The following TENM1 variants were observed in gnomAD, a reference collection of about 807,000 sequenced individuals.
TENM1 encodes teneurin-1.
TENM1 carries 35 observed loss-of-function variants against 174.8 expected under a neutral mutation model. The ratio of observed to expected loss-of-function variants is 0.20; its 90% CI spans 0.15 to 0.27. The LOEUF is 0.27. Ranked by LOEUF, TENM1 falls within the 10% of genes least tolerant of loss-of-function variation. TENM1 has a pLI of 1.00. For missense variants in TENM1, 1,633 were observed against 2,130.1 expected (o/e 0.77, Z 4.59); for synonymous variants, 781 against 798.7 (o/e 0.98, Z 0.37).
At position 124,671,735 on chromosome X, in the gene TENM1, G is replaced by A. The variant is rs778124127; in HGVS notation, c.1116C>T (p.Asp372=). The A allele has an allele frequency of 3.3e-5, 40 of 1,207,931 alleles. 1 individual carries two copies. Among genetic ancestry groups the A allele is most frequent in the Non-Finnish European group, 1.3e-5 (12 of 893,799 alleles). The change falls in exon 6 of 32, where the codon GAC becomes GAT. Residue 372 remains aspartate, a synonymous_variant. Coordinates refer to ENST00000422452, the Ensembl canonical transcript of TENM1. Reference sequence around the variant, plus strand: ...TTCCTCCAATTGGAGAGTAAGTAGTGTCCATGGACTCGGTCCCCCTGTTCC... The same window carrying A: ...TTCCTCCAATTGGAGAGTAAGTAGTATCCATGGACTCGGTCCCCCTGTTCC...
chrX:124,854,596 A>G (rs1450108200), intron 3 of TENM1, among the ~76,000 whole-genome samples: 2 of 112,185 alleles, frequency 1.8e-5, no homozygotes, highest in African/African-American at 6.5e-5. Context: ...AAGGATGAGT[A>G]TAAGTCTAGC....
intron 27 of TENM1, among the ~76,000 whole-genome samples, chrX:124,398,345 T>C (rs1203810165): frequency 9.0e-6 from 1 of 111,081 alleles, no homozygotes; most frequent in Non-Finnish European, 1.9e-5. Flanking sequence ...TCCACAGATT[T>C]TTTTTTTTAT....
the TENM1 span, among the ~76,000 whole-genome samples, chrX:124,972,994 G>T: frequency 1.8e-5 from 2 of 112,007 alleles, no homozygotes; most frequent in Non-Finnish European, 3.8e-5. Context: ...CAGGTCAAGG[G>T]GACACAACTA....
the TENM1 span, among the ~76,000 whole-genome samples, chrX:125,055,049 A>G: frequency 2.7e-5 from 3 of 111,986 alleles, no homozygotes; most frequent in Non-Finnish European, 5.6e-5. Context: ...TCTAAATTGT[A>G]AAAGTCTTAT....
chrX:124,947,355 T>A (rs772591724), intron 1 of TENM1, among the ~76,000 whole-genome samples: 10 of 112,133 alleles, frequency 8.9e-5, no homozygotes, highest in Admixed American at 6.6e-4. Context: ...ATTTTATGAA[T>A]GCCTTTCTAC....
chrX:125,062,176 A>G, the TENM1 span, among the ~76,000 whole-genome samples: 1 of 112,169 alleles, frequency 8.9e-6, no homozygotes, highest in South Asian at 3.7e-4. Flanking sequence ...ATGAAAAAAA[A>G]TCACTTAGAA....
At chrX:125,145,837 T>C in the TENM1 span, among the ~76,000 whole-genome samples, 1 of 111,980 alleles carries the variant, frequency 8.9e-6, no homozygotes, top group Non-Finnish European at 1.9e-5. Flanking sequence ...TTTAAAACTT[T>C]CTTAATCATA....
the TENM1 span, among the ~76,000 whole-genome samples, chrX:125,028,223 A>T: frequency 8.9e-6 from 1 of 112,222 alleles, no homozygotes; most frequent in East Asian, 2.8e-4. Flanking sequence ...ATAATGGAAG[A>T]TTTGTATTTT....
chrX:124,416,785 C>T (rs2060598688), intron 25 of TENM1, among the ~76,000 whole-genome samples: 4 of 111,690 alleles, frequency 3.6e-5, no homozygotes, highest in African/African-American at 9.8e-5. Flanking sequence ...ACTGAACTGC[C>T]GATGTGATAG....
At chrX:125,057,221 G>C in the TENM1 span, among the ~76,000 whole-genome samples, 1 of 111,488 alleles carries the variant, frequency 9.0e-6, no homozygotes, top group Non-Finnish European at 1.9e-5. Flanking sequence ...CACTCACATA[G>C]AATTTCAAGA....
chrX:125,141,008 A>G, the TENM1 span, among the ~76,000 whole-genome samples: 1 of 111,874 alleles, frequency 8.9e-6, no homozygotes, highest in Non-Finnish European at 1.9e-5. Flanking sequence ...AAAGTCCAGT[A>G]TTGACGAAAG....
intron 3 of TENM1, among the ~76,000 whole-genome samples, chrX:124,883,432 C>T: frequency 8.9e-6 from 1 of 112,534 alleles, no homozygotes; most frequent in East Asian, 2.8e-4. Flanking sequence ...TGGGCCCCTC[C>T]TTGAGCTGCA....
At chrX:124,890,810 C>T (rs1603263956) in intron 3 of TENM1, among the ~76,000 whole-genome samples, 1 of 111,293 alleles carries the variant, frequency 9.0e-6, no homozygotes, top group Non-Finnish European at 1.9e-5. Context: ...ACCATATGCT[C>T]TAGCAATCCC....
At chrX:124,530,130 G>T in intron 15 of TENM1, 147 bp from the exon 19 acceptor site, 1 of 598,734 alleles carries the variant, frequency 1.7e-6, no homozygotes, top group East Asian at 3.9e-5. Flanking sequence ...AACATTCTGG[G>T]GAGGAGTTTT....
chrX:124,675,119 G>A (rs1193570306), intron 5 of TENM1, among the ~76,000 whole-genome samples: 3 of 111,788 alleles, frequency 2.7e-5, no homozygotes, highest in Non-Finnish European at 3.8e-5. Flanking sequence ...CACTCTTTGA[G>A]AGCAGTGAAG....
At chrX:124,450,827 T>G (rs2061027195) in intron 23 of TENM1, among the ~76,000 whole-genome samples, 1 of 112,083 alleles carries the variant, frequency 8.9e-6, no homozygotes, top group African/African-American at 3.2e-5. Flanking sequence ...TGTGACTCAA[T>G]TCTGGCCAAT....
chrX:125,030,972 T>G, the TENM1 span, among the ~76,000 whole-genome samples: 1 of 111,429 alleles, frequency 9.0e-6, no homozygotes, highest in Admixed American at 9.6e-5. Flanking sequence ...CTTTTTCTAC[T>G]TTTATTTTAG....
At chrX:125,072,752 T>TG in the TENM1 span, among the ~76,000 whole-genome samples, 1 of 111,583 alleles carries the variant, frequency 9.0e-6, no homozygotes, top group Non-Finnish European at 1.9e-5. Context: ...AAGGCAGCAC[T>TG]GGTAAACCTT....
At chrX:125,134,428 T>C in the TENM1 span, among the ~76,000 whole-genome samples, 1 of 112,467 alleles carries the variant, frequency 8.9e-6, no homozygotes, top group African/African-American at 3.2e-5. Flanking sequence ...AAGTTGCTTG[T>C]ATGTTTGGAC....
Sources: allele counts gnomAD v4.1 joint callset (sites outside exome capture counted in the v4.1 genomes callset), GRCh38; gene constraint gnomAD v4.1.1; transcripts MANE v1.5; gene names NCBI Gene and HGNC (gene_info 2026-07-23, HGNC 2026-07-21).